RSPH3: variants seen among roughly 807,000 people sequenced by gnomAD.
RSPH3 encodes the protein radial spoke head 3.
RSPH3 carries 21 observed loss-of-function variants against 43.8 expected under a neutral mutation model. That is an observed-to-expected ratio of 0.48 (90% confidence interval 0.34 to 0.69). The LOEUF (loss-of-function observed/expected upper bound fraction) is 0.69, where lower values mean the gene tolerates loss of function less well. Ranked by LOEUF, RSPH3 falls within the 30% of genes least tolerant of loss-of-function variation. The pLI, the probability that RSPH3 is intolerant of heterozygous loss-of-function variation, is 0.01. For missense variants in RSPH3, 487 were observed against 516.0 expected (o/e 0.94, Z 0.54); for synonymous variants, 173 against 179.8 (o/e 0.96, Z 0.30).
chr6:158,962,993 ATGT>A, the RSPH3 span, among the ~76,000 whole-genome samples: 4 of 152,226 alleles, frequency 2.6e-5, no homozygotes, highest in Non-Finnish European at 5.9e-5. Context: ...ATGATTGAAA[ATGT>A]TGTTTATAAT....
chr6:158,965,888 T>C, the RSPH3 span, among the ~76,000 whole-genome samples: 1 of 152,132 alleles, frequency 6.6e-6, no homozygotes, highest in South Asian at 2.1e-4. Context: ...GTTGTGGAAT[T>C]TTCCTAGATG....
intron 1 of RSPH3, among the ~76,000 whole-genome samples, chr6:158,996,006 C>T (rs187908572): frequency 1.3e-5 from 2 of 152,292 alleles, no homozygotes; most frequent in East Asian, 3.9e-4. Flanking sequence ...TTAATGTAAT[C>T]ACATCTCAAA....
Position 158,972,931 on chromosome 6 carries a change from A to G in RSPH3, c.*4607T>C, listed in dbSNP as rs1439841894. The G allele has an allele frequency of 6.6e-6, 1 of 152,224 alleles. No homozygotes were observed. The highest frequency in any genetic ancestry group is 2.4e-5 in the African/African-American group (1 of 41,458). 9.4% of individuals were successfully genotyped at this position (152,224 alleles called of 1,614,324 possible). A position where few individuals can be genotyped will look rare whatever the true frequency, so the allele number is the denominator to read the frequency against. On this transcript the variant is annotated 3_prime_UTR_variant, in exon 8 of 8. Transcript: ENST00000367069. ...GTAAGTTGAGATCATGAAACATACAATCTAATTCAAAAGAAGAATCATAGG... is the reference window on the plus strand; with the variant it reads ...GTAAGTTGAGATCATGAAACATACAGTCTAATTCAAAAGAAGAATCATAGG...
Position 158,999,572 on chromosome 6 carries a change from C to G in RSPH3, c.-22G>C. The G allele has an allele frequency of 6.2e-7, 1 of 1,607,406 alleles. No homozygotes were observed. ...CCATGTCCGGGGGCTGACTGCCTCG[C>G]TTTCGGTGGAGCTTGGCTTTGAAGC... On this transcript the variant is annotated 5_prime_UTR_variant, in exon 1 of 8. Transcript: ENST00000367069.
In RSPH3 at chr6:158,974,373, A is replaced by T. The variant is rs1024988061; in HGVS notation, c.*3165T>A. 7.9e-5 allele frequency: 12 copies of T among 152,212 alleles called. No homozygotes were observed. The highest frequency in any genetic ancestry group is 2.7e-4 in the African/African-American group (11 of 41,456). 9.4% of individuals were successfully genotyped at this position (152,212 alleles called of 1,614,324 possible). A position where few individuals can be genotyped will look rare whatever the true frequency, so the allele number is the denominator to read the frequency against. On this transcript the variant is annotated 3_prime_UTR_variant, in exon 8 of 8. Transcript: ENST00000367069. ...TTATGATGGTCCCATAACCATCTGAATGTTAATAGTACCCATTTTCTTCTA... is the reference window on the plus strand; with the variant it reads ...TTATGATGGTCCCATAACCATCTGATTGTTAATAGTACCCATTTTCTTCTA...
In RSPH3 at chr6:158,983,670, C is replaced by T. The variant is rs1778115018; in HGVS notation, c.484G>A (p.Glu162Lys). ...CAAAGGATGTACTGTACCTCTCCTT[C>T]TAGTATTTGGGTGGCCACATCTTTG... ...TGKDVATQIL[E>K]GELFDFDLEV... The change falls in exon 4 of 8, where the codon GAA becomes AAA. Residue 162 changes from glutamate (E) to lysine (K), a missense_variant. Physicochemically the swap from Glu to Lys is moderately conservative, Grantham distance 56. Transcript: ENST00000367069. The T allele has an allele frequency of 1.2e-6, 2 of 1,613,108 alleles. No individual in the cohort carries two copies. The highest frequency in any genetic ancestry group is 1.7e-6 in the Non-Finnish European group (2 of 1,179,074).
chr6:158,977,650 G>C lies in RSPH3; in HGVS notation c.1145C>G (p.Thr382Arg), dbSNP rs757248084. The C allele has an allele frequency of 6.2e-7, 1 of 1,614,084 alleles. No individual in the cohort carries two copies. The highest frequency in any genetic ancestry group is 1.1e-5 in the South Asian group (1 of 91,086). ...TTCCTGGGATGACCTTCTGTCATAT[G>C]TTGTTCTTTGTAGGTAGCCTCCATC... Reference protein sequence around the residue: ...LLDGGYLQRTTYDRRSSQERK... With the variant: ...LLDGGYLQRTRYDRRSSQERK... Residue 382 changes from threonine to arginine, a missense_variant, in exon 8 of 8, where the codon ACA becomes AGA. Physicochemically the swap from Thr to Arg is moderately conservative, Grantham distance 71. Transcript: ENST00000367069.
chr6:158,988,909 C>G (rs577602970), intron 2 of RSPH3, among the ~76,000 whole-genome samples: 107 of 152,162 alleles, frequency 7.0e-4, no homozygotes, highest in African/African-American at 2.5e-3. Flanking sequence ...CTTGCTTTGT[C>G]CCTTTAAGTA....
chr6:158,968,859 GC>G (rs2128603425), downstream of RSPH3, among the ~76,000 whole-genome samples: 1 of 151,700 alleles, frequency 6.6e-6, no homozygotes, highest in Non-Finnish European at 1.5e-5. Flanking sequence ...CTACAGGTGT[GC>G]GCCACCACAC....
In RSPH3 at chr6:159,000,088, G is replaced by T; in HGVS notation, c.-538C>A. On this transcript the variant is annotated 5_prime_UTR_variant, in exon 1 of 8. The change creates a new upstream start codon in the 5' untranslated region. Transcript: ENST00000367069. ...AGGCCCACGTGCTCCTGCTCTTCCAGGGTGTCCTCGGCTGTTTCTCCTGCC... is the reference window on the plus strand; with the variant it reads ...AGGCCCACGTGCTCCTGCTCTTCCATGGTGTCCTCGGCTGTTTCTCCTGCC... 1 of 1,148,458 alleles carries T rather than the reference G, an allele frequency of 8.7e-7. No individual in the cohort carries two copies. Among genetic ancestry groups the T allele is most frequent in the Non-Finnish European group, 1.2e-6 (1 of 832,388 alleles). The allele number at this position is 1,148,458 out of a possible 1,614,324, so 71.1% of individuals were successfully genotyped here.
rs1317360862 is a variant in RSPH3, at chr6:158,974,783, T to C, written c.*2755A>G. The C allele has an allele frequency of 1.3e-5, 2 of 152,176 alleles. No homozygotes were observed. Among genetic ancestry groups the C allele is most frequent in the African/African-American group, 4.8e-5 (2 of 41,422 alleles). 9.4% of individuals were successfully genotyped at this position (152,176 alleles called of 1,614,324 possible). ...GGCATCTGCAAAGTGTTTAATGGAC[T>C]GGATCATTCTAAAGGAGAATTAGAA... is the stretch of plus-strand genomic sequence containing the variant. On this transcript the variant is annotated 3_prime_UTR_variant, in exon 8 of 8. Coordinates refer to ENST00000367069, the MANE Select transcript of RSPH3 (RefSeq NM_031924.8).
chr6:158,968,588 C>T (rs1032866173), downstream of RSPH3, among the ~76,000 whole-genome samples: 1 of 152,200 alleles, frequency 6.6e-6, no homozygotes, highest in Non-Finnish European at 1.5e-5. Flanking sequence ...CTGGGGATTA[C>T]AATTAACATC....
intron 1 of RSPH3, among the ~76,000 whole-genome samples, chr6:158,998,773 T>C (rs950009326): frequency 4.7e-5 from 7 of 149,512 alleles, no homozygotes; most frequent in Admixed American, 4.1e-4. Context: ...GGAGAATCGT[T>C]TGATCGGGGA....
chr6:159,000,179 C>G lies in RSPH3; in HGVS notation c.-629G>C. 7.1e-6 allele frequency: 4 copies of G among 559,832 alleles called. No individual in the cohort carries two copies. Among genetic ancestry groups the G allele is most frequent in the Non-Finnish European group, 1.2e-5 (4 of 327,188 alleles). 34.7% of individuals were successfully genotyped at this position (559,832 alleles called of 1,614,324 possible). On this transcript the variant is annotated 5_prime_UTR_variant, in exon 1 of 8. Transcript: ENST00000367069. ...GCCCCTGGCAGCCAGGCTCCCAGCT[C>G]TGTTACGTGCCCGGGCGGGGAAGAG... is the stretch of plus-strand genomic sequence containing the variant.
intron 3 of RSPH3, among the ~76,000 whole-genome samples, chr6:158,985,533 T>A (rs1232844718): frequency 6.6e-6 from 1 of 152,134 alleles, no homozygotes; most frequent in Non-Finnish European, 1.5e-5. Flanking sequence ...TGGGCACATA[T>A]GATCCTTCTG....
rs139478527 is a variant in RSPH3 at position 158,997,310 on chromosome 6, C to T, written c.116+2125G>A. Among the ~76,000 whole-genome samples, 725 of 131,058 alleles carry T rather than the reference C, an allele frequency of 5.5e-3. 7 individuals are homozygous for T. Among genetic ancestry groups the T allele is most frequent in the African/African-American group, 0.021 (693 of 33,266 alleles). 86.0% of individuals were successfully genotyped at this position (131,058 alleles called of 152,430 possible). A position where few individuals can be genotyped will look rare whatever the true frequency, so the allele number is the denominator to read the frequency against. On this transcript the variant is annotated intron_variant, in intron 1 of 7. Coordinates refer to ENST00000367069, the MANE Select transcript of RSPH3 (RefSeq NM_031924.8). The stretch of plus-strand genomic sequence containing the variant: ...TTTTTGAGACAGAGTTTCGCTTTGT[C>T]GCCCAGGCTGGAGTGCAGTGGCGTG...
At chr6:158,983,564 G>A in intron 4 of RSPH3, 98 bp downstream of exon 4, 1 of 874,246 alleles carries the variant, frequency 1.1e-6, no homozygotes. Flanking sequence ...AGTAGAATCT[G>A]ATTGTGAAGT....
chr6:158,983,213 C>G (rs915670120), intron 4 of RSPH3, among the ~76,000 whole-genome samples: 26 of 152,010 alleles, frequency 1.7e-4, no homozygotes, highest in Middle Eastern at 6.8e-3. Flanking sequence ...CATAAACAGG[C>G]CTATTTATGC....
rs1013995011 is a variant in RSPH3, at chr6:158,989,498, G to A, written c.205-3077C>T. Among the ~76,000 whole-genome samples the A allele has an allele frequency of 6.6e-6, 1 of 152,140 alleles. No individual in the cohort carries two copies. Among genetic ancestry groups the A allele is most frequent in the East Asian group, 1.9e-4 (1 of 5,194 alleles). ...GATACACTGGTAGTGTGACTGGCTA[G>A]GGGTTTGTGCCCAGGGGACCGGTAC... On this transcript the variant is annotated intron_variant, in intron 2 of 7. Coordinates refer to ENST00000367069, the MANE Select transcript of RSPH3 (RefSeq NM_031924.8). This position sits in a 1 kb window ranked among gnomAD's most constrained non-coding sequence, Gnocchi z 4.3.
Sources: gnomAD v4.1 joint callset for allele counts (sites outside exome capture counted in the v4.1 genomes callset) on GRCh38, gnomAD v4.1.1 for gene constraint, Gnocchi (gnomAD v3.1) non-coding constraint, MANE v1.5 for transcripts, NCBI Gene and HGNC (gene_info 2026-07-23, HGNC 2026-07-21) for gene names.